The following CACNG2 variants were observed in gnomAD, a reference collection of about 807,000 sequenced individuals.
CACNG2 encodes the protein voltage-dependent calcium channel gamma-2 subunit.
In CACNG2, 3 loss-of-function variants were observed where a neutral mutation model predicts 25.9. That is an observed-to-expected ratio of 0.12 (90% confidence interval 0.05 to 0.30). CACNG2 has a LOEUF of 0.30. Ranked by LOEUF, CACNG2 falls within the 10% of genes least tolerant of loss-of-function variation. The pLI, the probability that CACNG2 is intolerant of heterozygous loss-of-function variation, is 1.00. For missense variants in CACNG2, 341 were observed against 432.5 expected (o/e 0.79, Z 1.88); for synonymous variants, 167 against 173.3 (o/e 0.96, Z 0.29).
intron 1 of CACNG2, among the ~76,000 whole-genome samples, chr22:36,643,988 C>G (rs1569038815): frequency 6.6e-6 from 1 of 152,118 alleles, no homozygotes; most frequent in Admixed American, 6.5e-5. Context: ...TCTGTTCTAA[C>G]CATGAACTTC....
chr22:36,611,467 C>T (rs1935937842), intron 1 of CACNG2, among the ~76,000 whole-genome samples: 1 of 152,148 alleles, frequency 6.6e-6, no homozygotes, highest in South Asian at 2.1e-4. Flanking sequence ...GCCCAGAGTC[C>T]AAGGGCAATG....
At chr22:36,699,749 C>T (rs189070565) in intron 1 of CACNG2, among the ~76,000 whole-genome samples, 46 of 152,220 alleles carry the variant, frequency 3.0e-4, no homozygotes, top group Admixed American at 2.0e-4. Context: ...CCATAGAGAG[C>T]GACCCCATTC....
intron 1 of CACNG2, among the ~76,000 whole-genome samples, chr22:36,660,100 G>A (rs1027507393): frequency 1.3e-5 from 2 of 152,238 alleles, no homozygotes; most frequent in East Asian, 3.8e-4. Flanking sequence ...CCCTGGCACA[G>A]ACCTGTCCCA....
chr22:36,658,762 T>C (rs1329549891), intron 1 of CACNG2, among the ~76,000 whole-genome samples: 1 of 152,000 alleles, frequency 6.6e-6, no homozygotes, highest in African/African-American at 2.4e-5. Flanking sequence ...CATAATGTAA[T>C]CACAGAGGGC....
At chr22:36,601,478 G>A (rs998346038) in intron 1 of CACNG2, among the ~76,000 whole-genome samples, 6 of 152,114 alleles carry the variant, frequency 3.9e-5, no homozygotes, top group African/African-American at 1.4e-4. Context: ...GAACATGGGA[G>A]TGTAGATACC....
chr22:36,677,305 A>T (rs1156601756), intron 1 of CACNG2, among the ~76,000 whole-genome samples: 1 of 152,164 alleles, frequency 6.6e-6, no homozygotes, highest in Non-Finnish European at 1.5e-5. Flanking sequence ...ATTTATCCCC[A>T]TCATTCCAAA....
intron 1 of CACNG2, among the ~76,000 whole-genome samples, chr22:36,670,734 C>T (rs917369341): frequency 2.0e-5 from 3 of 151,882 alleles, no homozygotes; most frequent in East Asian, 1.9e-4. Context: ...CGGGCTCAAG[C>T]GATCCTCCCA....
rs142531897 is a variant in CACNG2 at position 36,637,910 on chromosome 22, T to C, written c.212-50362A>G. On this transcript the variant is annotated intron_variant, in intron 1 of 3. Transcript: ENST00000300105. ...GGTGGCAGACACCTGTAGTCCCAGC[T>C]ACTCAGGAGGCTGAGGCAGGAGAAT... Among the ~76,000 whole-genome samples the C allele has an allele frequency of 4.7e-3, 721 of 152,080 alleles. 8 individuals carry two copies. The highest frequency in any genetic ancestry group is 0.017 in the African/African-American group (687 of 41,476).
chr22:36,668,733 C>T (rs996967974), intron 1 of CACNG2, among the ~76,000 whole-genome samples: 16 of 152,032 alleles, frequency 1.1e-4, no homozygotes, highest in African/African-American at 2.4e-4. Context: ...TGAGCTCAAG[C>T]GATCCACCTG....
chr22:36,593,256 G>A (rs1222402642), intron 1 of CACNG2, among the ~76,000 whole-genome samples: 1 of 152,224 alleles, frequency 6.6e-6, no homozygotes, highest in Non-Finnish European at 1.5e-5. Flanking sequence ...AAGGGGTCAC[G>A]GCCAGGGACT....
intron 1 of CACNG2, among the ~76,000 whole-genome samples, chr22:36,643,820 A>G (rs1034983169): frequency 6.6e-6 from 1 of 152,218 alleles, no homozygotes; most frequent in Non-Finnish European, 1.5e-5. Flanking sequence ...ATATTACCTT[A>G]TTTAAGCCTT....
chr22:36,684,930 A>G (rs1411131991), intron 1 of CACNG2, among the ~76,000 whole-genome samples: 2 of 152,156 alleles, frequency 1.3e-5, no homozygotes, highest in Non-Finnish European at 2.9e-5. Flanking sequence ...TGCCCAATCA[A>G]TCCGGGAAGA....
chr22:36,576,850 T>C (rs1935325518), intron 2 of CACNG2, among the ~76,000 whole-genome samples: 1 of 152,098 alleles, frequency 6.6e-6, no homozygotes, highest in African/African-American at 2.4e-5. Context: ...ATTAAGATAA[T>C]GTTTCAAGTG....
At chr22:36,653,918 A>ATTTT (rs35016759) in intron 1 of CACNG2, among the ~76,000 whole-genome samples, 1 of 133,004 alleles carries the variant, frequency 7.5e-6, no homozygotes. Flanking sequence ...CAGACGTTAG[A>ATTTT]TTTTTTTTTT....
rs200636031 is a variant in CACNG2, at chr22:36,564,896, G to A, written c.437-10C>T. ...ATGATGTTACTCAGACCTGCGGGGC[G>A]CAGGGTGGCGGGGTGGGGGATCAGA... On this transcript the variant is annotated splice_polypyrimidine_tract_variant and intron_variant, in intron 3 of 3. Transcript: ENST00000300105. The surrounding 1 kb of genome is among the most constrained non-coding windows in gnomAD (Gnocchi z 6.7). 1 of 1,609,486 alleles carries A rather than the reference G, an allele frequency of 6.2e-7. No homozygotes were observed. Among genetic ancestry groups the A allele is most frequent in the South Asian group, 1.1e-5 (1 of 91,066 alleles).
chr22:36,669,432 C>G (rs1936917947), intron 1 of CACNG2, among the ~76,000 whole-genome samples: 1 of 146,844 alleles, frequency 6.8e-6, no homozygotes, highest in Non-Finnish European at 1.5e-5. Context: ...TGCTTGAACC[C>G]AGGAGGCAGA....
intron 1 of CACNG2, among the ~76,000 whole-genome samples, chr22:36,642,119 G>A (rs1469041576): frequency 6.6e-6 from 1 of 152,146 alleles, no homozygotes; most frequent in Non-Finnish European, 1.5e-5. Flanking sequence ...ACTTGGGAGG[G>A]TATAAAGATC....
At chr22:36,653,137 C>T (rs1207780356) in intron 1 of CACNG2, among the ~76,000 whole-genome samples, 1 of 152,160 alleles carries the variant, frequency 6.6e-6, no homozygotes, top group Non-Finnish European at 1.5e-5. Flanking sequence ...GCCTGACCAA[C>T]ATGGAGAAAC....
At chr22:36,686,150 C>T (rs1333925961) in intron 1 of CACNG2, among the ~76,000 whole-genome samples, 1 of 152,186 alleles carries the variant, frequency 6.6e-6, no homozygotes, top group Non-Finnish European at 1.5e-5. Flanking sequence ...TTGAGGCTGG[C>T]AGGAGAAAGG....
Sources: allele counts gnomAD v4.1 joint callset (sites outside exome capture counted in the v4.1 genomes callset), GRCh38; gene constraint gnomAD v4.1.1; non-coding constraint Gnocchi (gnomAD v3.1); transcripts MANE v1.5; gene names NCBI Gene and HGNC (gene_info 2026-07-23, HGNC 2026-07-21).